The following LGSN variants were observed in gnomAD, a reference collection of about 807,000 sequenced individuals.
LGSN encodes the protein lengsin.
In LGSN, 21 loss-of-function variants were observed where a neutral mutation model predicts 19.5. The observed-to-expected ratio is 1.07, with a 90% CI of 0.76 to 1.55. The LOEUF is 1.55. Ranked by LOEUF, LGSN falls within the 40% of genes most tolerant of loss-of-function variation. The pLI is 0.00. For missense variants in LGSN, 673 were observed against 608.5 expected, an observed-to-expected ratio of 1.11 and a Z score of -1.12; for synonymous variants, 257 against 215.6, an observed-to-expected ratio of 1.19 and a Z score of -1.68.
At chr6:63,302,639 T>C (rs959098864) in intron 1 of LGSN, among the ~76,000 whole-genome samples, 10 of 152,230 alleles carry the variant, frequency 6.6e-5, no homozygotes, top group African/African-American at 2.2e-4. Flanking sequence ...TGTTAAAATA[T>C]GCAATTTGAA....
chr6:63,365,898 C>T, the LGSN span, among the ~76,000 whole-genome samples: 4 of 152,268 alleles, frequency 2.6e-5, no homozygotes, highest in Middle Eastern at 3.4e-3. Context: ...GAGCTTCATG[C>T]TAAAAACTCT....
At chr6:63,434,439 CAAAA>C in the LGSN span, among the ~76,000 whole-genome samples, 3 of 106,002 alleles carry the variant, frequency 2.8e-5, no homozygotes, top group Non-Finnish European at 3.7e-5. Flanking sequence ...GACTCCATCT[CAAAA>C]AAAAAAAAAA....
At chr6:63,548,241 G>T in the LGSN span, among the ~76,000 whole-genome samples, 7 of 152,056 alleles carry the variant, frequency 4.6e-5, no homozygotes, top group Non-Finnish European at 8.8e-5. Flanking sequence ...CTGAAGCCAG[G>T]CTTTGAATCC....
In LGSN at chr6:63,276,469, C is replaced by A. The variant is rs1767109239; in HGVS notation, c.*3552G>T. On this transcript the variant is annotated 3_prime_UTR_variant, in exon 4 of 4. Transcript: ENST00000370657. ...TTTCTTATGTATACTCATTTAATTA[C>A]CAACTTTAAATTCAGTAATCACATT... The A allele has an allele frequency of 1.3e-5, 2 of 152,026 alleles. No homozygotes were observed. Among genetic ancestry groups the A allele is most frequent in the Non-Finnish European group, 2.9e-5 (2 of 68,002 alleles). The allele number at this position is 152,026 out of a possible 1,614,324, so 9.4% of individuals were successfully genotyped here.
chr6:63,404,798 CT>C, the LGSN span, among the ~76,000 whole-genome samples: 2,247 of 151,866 alleles, frequency 0.015, 21 homozygotes, highest in Admixed American at 0.026. Flanking sequence ...AAAAGTATTT[CT>C]TTTTTTTATT....
chr6:63,298,270 TC>T (rs1768056050), intron 1 of LGSN, among the ~76,000 whole-genome samples: 1 of 152,184 alleles, frequency 6.6e-6, no homozygotes, highest in African/African-American at 2.4e-5. Flanking sequence ...ATTATGGAGA[TC>T]CCCATGCGTT....
At chr6:63,283,625 T>A (rs909914013) in intron 3 of LGSN, among the ~76,000 whole-genome samples, 2 of 151,588 alleles carry the variant, frequency 1.3e-5, no homozygotes, top group African/African-American at 4.9e-5. Flanking sequence ...AATCTTTTTT[T>A]TTTTTTTTTG....
chr6:63,367,075 C>A, the LGSN span, among the ~76,000 whole-genome samples: 6 of 152,060 alleles, frequency 3.9e-5, no homozygotes, highest in Non-Finnish European at 8.8e-5. Flanking sequence ...GCAACAAAAG[C>A]CAAAATTGAC....
At chr6:63,440,151 A>G in the LGSN span, among the ~76,000 whole-genome samples, 2 of 152,216 alleles carry the variant, frequency 1.3e-5, no homozygotes, top group South Asian at 2.1e-4. Flanking sequence ...GGGACAGCAG[A>G]CAGCCAAGGG....
chr6:63,502,005 G>T, the LGSN span, among the ~76,000 whole-genome samples: 2 of 152,098 alleles, frequency 1.3e-5, no homozygotes, highest in African/African-American at 4.8e-5. Flanking sequence ...TTGCTGTGTT[G>T]CCCAGGCTGG....
the LGSN span, among the ~76,000 whole-genome samples, chr6:63,452,567 A>G: frequency 5.6e-4 from 85 of 152,206 alleles, no homozygotes; most frequent in African/African-American, 2.0e-3. Flanking sequence ...TATTGAAAAA[A>G]ATTCATAATA....
At chr6:63,281,301 G>GAAAAA (rs1465617710) in intron 3 of LGSN, 81 bp from the exon 4 acceptor site, 1 of 99,302 alleles carries the variant, frequency 1.0e-5, no homozygotes. Context: ...CCTTGCTAAT[G>GAAAAA]AAAATATATA....
chr6:63,532,771 A>G, the LGSN span, among the ~76,000 whole-genome samples: 1 of 152,198 alleles, frequency 6.6e-6, no homozygotes, highest in African/African-American at 2.4e-5. Context: ...ATGTTCAATC[A>G]GTATCTAGGC....
the LGSN span, among the ~76,000 whole-genome samples, chr6:63,369,999 AT>A: frequency 1.3e-5 from 2 of 149,962 alleles, no homozygotes; most frequent in African/African-American, 2.5e-5. Context: ...GAGACTGTGT[AT>A]CCAAAAAAGA....
At chr6:63,348,260 C>G in the LGSN span, among the ~76,000 whole-genome samples, 1 of 152,080 alleles carries the variant, frequency 6.6e-6, no homozygotes, top group Non-Finnish European at 1.5e-5. Flanking sequence ...TCGAGACCAG[C>G]CTGGTCAACA....
intron 1 of LGSN, among the ~76,000 whole-genome samples, chr6:63,308,760 C>T (rs879436138): frequency 6.6e-6 from 1 of 152,020 alleles, no homozygotes; most frequent in East Asian, 1.9e-4. Context: ...CAAGTTTTAA[C>T]CTCTGTTAGA....
At chr6:63,283,433 C>G (rs987881905) in intron 3 of LGSN, among the ~76,000 whole-genome samples, 2 of 152,084 alleles carry the variant, frequency 1.3e-5, no homozygotes, top group Non-Finnish European at 1.5e-5. Context: ...AGTTATGAGT[C>G]CTGTAGCAAT....
the LGSN span, chr6:63,549,232 C>T: frequency 1.4e-6 from 1 of 732,866 alleles, no homozygotes; most frequent in South Asian, 1.4e-5. Flanking sequence ...AGTAGCAGAG[C>T]AGCTGTTTGG....
At chr6:63,449,246 G>C in the LGSN span, among the ~76,000 whole-genome samples, 1 of 152,014 alleles carries the variant, frequency 6.6e-6, no homozygotes, top group African/African-American at 2.4e-5. Context: ...TAAAAGCAAA[G>C]GAGGAAAAGC....
Sources: gnomAD v4.1 joint callset for allele counts (sites outside exome capture counted in the v4.1 genomes callset) on GRCh38, gnomAD v4.1.1 for gene constraint, MANE v1.5 for transcripts, NCBI Gene and HGNC (gene_info 2026-07-23, HGNC 2026-07-21) for gene names.